PTPRD: variants seen among roughly 807,000 people sequenced by gnomAD.
PTPRD encodes the protein receptor-type tyrosine-protein phosphatase delta.
Under a neutral mutation model 214.5 loss-of-function variants are expected in PTPRD, and 34 were observed. That is an observed-to-expected ratio of 0.16 (90% CI 0.12 to 0.21). The LOEUF is 0.21. Among genes scored for constraint, PTPRD ranks in the 10% least tolerant of loss-of-function variants. The pLI, the probability that PTPRD is intolerant of heterozygous loss-of-function variation, is 1.00. For missense variants in PTPRD, 2,545 were observed against 2,398.7 expected, an observed-to-expected ratio of 1.06 and a Z score of -1.27; for synonymous variants, 1,128 against 845.7, an observed-to-expected ratio of 1.33 and a Z score of -5.79.
chr9:8,609,441 T>C (rs1383770926), intron 14 of PTPRD, among the ~76,000 whole-genome samples: 1 of 152,214 alleles, frequency 6.6e-6, no homozygotes, highest in Non-Finnish European at 1.5e-5. Context: ...GTGAAAAGCA[T>C]TGCCCTTATG....
rs562038717 is a variant in PTPRD at position 10,120,545 on chromosome 9, G to A, written c.-544-86755C>T. On this transcript the variant is annotated intron_variant, in intron 3 of 45. Coordinates refer to ENST00000381196, the MANE Select transcript of PTPRD (RefSeq NM_002839.4). ...GTCAATCATAATATCAGTGCACTTT[G>A]AAGTAAGCTTATTATAAAAGTATTT... is the stretch of plus-strand genomic sequence containing the variant. Among the ~76,000 whole-genome samples the A allele has an allele frequency of 6.6e-5, 10 of 152,012 alleles. 1 individual carries two copies. The highest frequency in any genetic ancestry group is 1.9e-4 in the African/African-American group (8 of 41,496).
intron 14 of PTPRD, among the ~76,000 whole-genome samples, chr9:8,590,853 A>C (rs2094041825): frequency 6.6e-6 from 1 of 152,176 alleles, no homozygotes; most frequent in Admixed American, 6.5e-5. Context: ...CGATGGCTTA[A>C]AACAAAAACA....
intron 3 of PTPRD, among the ~76,000 whole-genome samples, chr9:10,039,208 T>C (rs2097251475): frequency 6.6e-6 from 1 of 152,050 alleles, no homozygotes; most frequent in Non-Finnish European, 1.5e-5. Context: ...ACAAAAATTA[T>C]GAAATAAAAG....
At chr9:8,321,139 C>G (rs1357123052) in intron 44 of PTPRD, among the ~76,000 whole-genome samples, 3 of 152,008 alleles carry the variant, frequency 2.0e-5, no homozygotes, top group Non-Finnish European at 4.4e-5. Flanking sequence ...TAAGATGAAG[C>G]AGATGACCTT....
chr9:9,925,727 T>G (rs916260192), intron 5 of PTPRD, among the ~76,000 whole-genome samples: 8 of 152,124 alleles, frequency 5.3e-5, no homozygotes, highest in African/African-American at 1.9e-4. Flanking sequence ...TCAAAAAATT[T>G]TCTTCTATGC....
Position 8,705,115 on chromosome 9 carries a change from T to C in PTPRD, c.64+28665A>G, listed in dbSNP as rs143766865. Among the ~76,000 whole-genome samples, 1,163 of 152,296 alleles carry C rather than the reference T, an allele frequency of 7.6e-3. 11 individuals carry two copies. The highest frequency in any genetic ancestry group is 0.026 in the South Asian group (124 of 4,818). ...CAATAAGTTTAAAAAAAGGGCTCAG[T>C]GTTGACCACTCCCTGACCCAAGGAT... On this transcript the variant is annotated intron_variant, in intron 12 of 45. Transcript: ENST00000381196.
chr9:10,186,375 T>C (rs896978529), intron 3 of PTPRD, among the ~76,000 whole-genome samples: 5 of 152,112 alleles, frequency 3.3e-5, no homozygotes, highest in African/African-American at 1.2e-4. Context: ...TGGGACCAAT[T>C]TTCTCATTTG....
intron 9 of PTPRD, among the ~76,000 whole-genome samples, chr9:9,212,475 T>C (rs1464509082): frequency 6.6e-6 from 1 of 152,194 alleles, no homozygotes; most frequent in African/African-American, 2.4e-5. Context: ...ATTTTAACGC[T>C]ATTAATTGTA....
chr9:9,167,123 G>T (rs1268287904), intron 10 of PTPRD, among the ~76,000 whole-genome samples: 1 of 151,984 alleles, frequency 6.6e-6, no homozygotes, highest in Non-Finnish European at 1.5e-5. Context: ...TCAAAACCAG[G>T]GAGCCCAAAT....
At chr9:8,908,147 T>A (rs967166281) in intron 11 of PTPRD, among the ~76,000 whole-genome samples, 2 of 152,184 alleles carry the variant, frequency 1.3e-5, no homozygotes, top group Non-Finnish European at 2.9e-5. Flanking sequence ...AGCAGAATGT[T>A]GTAATGAAAC....
chr9:8,452,999 T>A (rs2133721145), intron 33 of PTPRD, among the ~76,000 whole-genome samples: 1 of 152,302 alleles, frequency 6.6e-6, no homozygotes, highest in South Asian at 2.1e-4. Context: ...TCTGTTAACA[T>A]TAAGAATGTA....
intron 4 of PTPRD, among the ~76,000 whole-genome samples, chr9:10,017,846 C>A (rs2096754935): frequency 6.6e-6 from 1 of 151,640 alleles, no homozygotes; most frequent in Non-Finnish European, 1.5e-5. Flanking sequence ...AATTGAATGC[C>A]CTCATGTAAA....
intron 8 of PTPRD, among the ~76,000 whole-genome samples, chr9:9,495,406 C>A (rs1169924456): frequency 1.3e-5 from 2 of 151,940 alleles, no homozygotes; most frequent in Admixed American, 1.3e-4. Context: ...TGTTTTCCCA[C>A]TCTCTCCCAA....
chr9:8,705,971 T>TTTTGG (rs1280896171), intron 12 of PTPRD, among the ~76,000 whole-genome samples: 4 of 152,202 alleles, frequency 2.6e-5, no homozygotes, highest in African/African-American at 9.6e-5. Context: ...TCCATATGTG[T>TTTTGG]AAATTCCAAG....
intron 2 of PTPRD, among the ~76,000 whole-genome samples, chr9:10,389,485 C>G (rs2098009468): frequency 6.6e-6 from 1 of 151,860 alleles, no homozygotes; most frequent in Admixed American, 6.6e-5. Context: ...TTGGCATCAC[C>G]TGTAACTGTT....
intron 3 of PTPRD, among the ~76,000 whole-genome samples, chr9:10,217,965 T>C (rs1374849047): frequency 2.0e-5 from 3 of 151,924 alleles, no homozygotes; most frequent in South Asian, 2.1e-4. Flanking sequence ...GCCTATGACA[T>C]GACACACACA....
At chr9:10,207,221 T>A (rs1470771856) in intron 3 of PTPRD, among the ~76,000 whole-genome samples, 1 of 151,700 alleles carries the variant, frequency 6.6e-6, no homozygotes, top group Non-Finnish European at 1.5e-5. Context: ...CCACTTTAGA[T>A]TTGTTTTCTT....
At chr9:9,412,594 C>T (rs1294692467) in intron 8 of PTPRD, among the ~76,000 whole-genome samples, 1 of 152,078 alleles carries the variant, frequency 6.6e-6, no homozygotes, top group Non-Finnish European at 1.5e-5. Flanking sequence ...CCAGTCACTA[C>T]GCGAAGGGGT....
Position 9,158,839 on chromosome 9 carries a change from A to T in PTPRD, c.-143+24465T>A, listed in dbSNP as rs557890859. Reference sequence around the variant, plus strand: ...ATATTAGCAAACTGAATTCAACAACACATTAAAATAATCATTCACCATGAT... The same window carrying T: ...ATATTAGCAAACTGAATTCAACAACTCATTAAAATAATCATTCACCATGAT... On this transcript the variant is annotated intron_variant, in intron 10 of 45. Transcript: ENST00000381196. Among the ~76,000 whole-genome samples, 3 of 152,278 alleles carry T rather than the reference A, an allele frequency of 2.0e-5. No individual in the cohort carries two copies. The South Asian group carries it at 6.2e-4, about 32-fold the overall frequency.
Sources: allele counts gnomAD v4.1 joint callset (sites outside exome capture counted in the v4.1 genomes callset), GRCh38; gene constraint gnomAD v4.1.1; transcripts MANE v1.5; gene names NCBI Gene and HGNC (gene_info 2026-07-23, HGNC 2026-07-21).